The following EXOC7 variants were observed in gnomAD, a reference collection of about 807,000 sequenced individuals.
EXOC7 encodes exocyst complex component Exo70.
In EXOC7, 51 loss-of-function variants were observed where a neutral mutation model predicts 87.6. The ratio of observed to expected loss-of-function variants is 0.58; its 90% CI spans 0.46 to 0.73. The LOEUF (loss-of-function observed/expected upper bound fraction) is 0.73, where lower values mean the gene tolerates loss of function less well. Among genes scored for constraint, EXOC7 ranks in the 30% least tolerant of loss-of-function variants. The pLI is 0.00. For missense variants in EXOC7, 744 were observed against 888.4 expected, an observed-to-expected ratio of 0.84 and a Z score of 2.07; for synonymous variants, 327 against 357.1, an observed-to-expected ratio of 0.92 and a Z score of 0.95.
At position 76,097,943 on chromosome 17, in the gene EXOC7, C is replaced by T. The variant is rs368762468; in HGVS notation, c.493G>A (p.Val165Ile). Residue 165 changes from valine (V) to isoleucine (I), a missense_variant, in exon 5 of 19, where the codon GTC (valine) becomes ATC (isoleucine). Val to Ile is a conservative substitution (Grantham distance 29). This residue lies in a region of EXOC7 where 512 missense variants were observed against 573.0 expected (regional missense o/e 0.89). Coordinates refer to ENST00000589210, the MANE Select transcript of EXOC7 (RefSeq NM_001013839.4). ...AGATCCAAGATGAGCACGGGCGAGA[C>T]GACCTTACTGTGCCGCGTCATCAGG... Reference protein sequence around the residue: ...RSLMTRHSKVVSPVLILDLIS... With the variant: ...RSLMTRHSKVISPVLILDLIS... 60 of 1,613,946 alleles carry T rather than the reference C, an allele frequency of 3.7e-5. No homozygotes were observed. Among genetic ancestry groups the T allele is most frequent in the African/African-American group, 2.8e-4 (21 of 74,896 alleles).
In EXOC7 at chr17:76,097,898, G is replaced by T. The variant is rs2067852311; in HGVS notation, c.538C>A (p.Leu180Met). 4 of 1,613,966 alleles carry T rather than the reference G, an allele frequency of 2.5e-6. No individual in the cohort carries two copies. The highest frequency in any genetic ancestry group is 2.2e-5 in the South Asian group (2 of 91,082). The change falls in exon 5 of 19, where the codon CTG (leucine) becomes ATG (methionine). Residue 180 changes from leucine (L) to methionine (M), a missense_variant. Around this residue, in one of 3 missense-constraint regions of EXOC7, gnomAD observed 512 missense variants for 573.0 expected, o/e 0.89. Coordinates refer to ENST00000589210, the MANE Select transcript of EXOC7 (RefSeq NM_001013839.4). ...AGGGTCACGTCCTCCTGGGCCTCCA[G>T]ATCATCGTCACCACTGATCAGATCC... is the stretch of plus-strand genomic sequence containing the variant. ...ILDLISGDDD[L>M]EAQEDVTLEH...
Position 76,103,408 on chromosome 17 carries a change from A to T in EXOC7, c.79T>A (p.Phe27Ile). Residue 27 changes from phenylalanine (F) to isoleucine (I), a missense_variant, in exon 2 of 19, where the codon TTC (phenylalanine) becomes ATC (isoleucine). By Grantham distance (21) the Phe-to-Ile change is conservative (BLOSUM62 0). Around this residue, in one of 3 missense-constraint regions of EXOC7, gnomAD observed 512 missense variants for 573.0 expected, o/e 0.89. Transcript: ENST00000589210. ...CTCTTCTCCAGGCTGTCTCGGATGA[A>T]GGACAGAGTCTCCTCCTCCTGGGGG... ...KLKQEEETLS[F>I]IRDSLEKSDQ... is the part of the protein sequence containing the mutation. 6.2e-7 allele frequency: 1 copy of T among 1,607,618 alleles called. No individual in the cohort carries two copies. The highest frequency in any genetic ancestry group is 8.5e-7 in the Non-Finnish European group (1 of 1,177,138).
intron 4 of EXOC7, among the ~76,000 whole-genome samples, chr17:76,098,383 G>A (rs1337723662): frequency 6.6e-6 from 1 of 151,480 alleles, no homozygotes; most frequent in Non-Finnish European, 1.5e-5. Flanking sequence ...TGATCCACCC[G>A]CCTCAGCCTC....
At chr17:76,088,278 C>T (rs2067304417) in intron 10 of EXOC7, 156 bp from the exon 11 acceptor site, 3 of 953,880 alleles carry the variant, frequency 3.1e-6, no homozygotes, top group East Asian at 4.9e-5. Context: ...AGAGGCCCTT[C>T]CCACTTCAGA....
chr17:76,085,448 T>C, intron 14 of EXOC7, 39 bp from the exon 15 acceptor site: 1 of 1,582,304 alleles, frequency 6.3e-7, no homozygotes, highest in Non-Finnish European at 8.6e-7. Context: ...GAGGACAGGA[T>C]TGGCTCCTCA....
chr17:76,098,124 C>T (rs774960087), intron 4 of EXOC7, 106 bp from the exon 5 acceptor site: 13 of 873,458 alleles, frequency 1.5e-5, no homozygotes, highest in Non-Finnish European at 1.8e-5. Context: ...AGGGCCTCTG[C>T]CCTTTTCTGC....
intron 18 of EXOC7, 122 bp from the exon 19 acceptor site, chr17:76,083,872 G>A (rs987390751): frequency 2.1e-4 from 317 of 1,476,320 alleles, no homozygotes; most frequent in Admixed American, 1.4e-3. Flanking sequence ...GTCTGGCCCC[G>A]CCCCAAAGCC....
intron 5 of EXOC7, among the ~76,000 whole-genome samples, chr17:76,094,916 G>T (rs1460207149): frequency 6.7e-6 from 1 of 149,666 alleles, no homozygotes; most frequent in Non-Finnish European, 1.5e-5. Flanking sequence ...TGGCCAGGCA[G>T]TCTTAAAAGA....
At position 76,081,702 on chromosome 17, in the gene EXOC7, A is replaced by C; in HGVS notation, c.*1946T>G. The stretch of plus-strand genomic sequence containing the variant: ...TTGCTGCTGAGTTACCTCGTCCTCC[A>C]CTCCTCCCTGGTGCAGGCCCTGCCC... On this transcript the variant is annotated 3_prime_UTR_variant, in exon 19 of 19. Transcript: ENST00000589210. The C allele has an allele frequency of 3.1e-6, 5 of 1,613,566 alleles. No homozygotes were observed. The highest frequency in any genetic ancestry group is 4.2e-6 in the Non-Finnish European group (5 of 1,179,856).
intron 4 of EXOC7, among the ~76,000 whole-genome samples, chr17:76,099,532 C>CA (rs1475821695): frequency 2.6e-5 from 4 of 151,688 alleles, no homozygotes; most frequent in East Asian, 3.9e-4. Context: ...AACAAAAAAC[C>CA]AAAAAAAGAA....
Position 76,083,669 on chromosome 17 carries a change from G to C in EXOC7, c.2034C>G (p.Arg678=), listed in dbSNP as rs200397075. 1.1e-5 allele frequency: 18 copies of C among 1,613,908 alleles called. No individual in the cohort carries two copies. In the South Asian group the frequency reaches 1.9e-4, roughly 17 times the overall value. ...GVEQVGDMID[R]LFDTSA is the part of the protein sequence containing the mutation. The stretch of plus-strand genomic sequence containing the variant: ...AGGCTCAGGCAGAGGTGTCGAAAAG[G>C]CGATCGATCATGTCGCCCACCTGCT... The change falls in exon 19 of 19, where the codon CGC becomes CGG. Residue 678 remains arginine, a synonymous_variant. Transcript: ENST00000589210.
chr17:76,085,985 G>C, intron 13 of EXOC7, 95 bp downstream of exon 13: 4 of 1,532,044 alleles, frequency 2.6e-6, no homozygotes, highest in Non-Finnish European at 2.7e-6. Flanking sequence ...ACTTAGGAGA[G>C]GGCCCTGGGA....
At chr17:76,085,874 G>T in intron 13 of EXOC7, 77 bp from the exon 14 acceptor site, 1 of 1,566,362 alleles carries the variant, frequency 6.4e-7, no homozygotes, top group Non-Finnish European at 8.7e-7. Context: ...CCGCGAACGC[G>T]CTCCTATCCA....
At position 76,090,123 on chromosome 17, in the gene EXOC7, A is replaced by G. The variant is rs557306512; in HGVS notation, c.902-803T>C. ...GAGCAGCGGCTTCTCCCCTTGGCCC[A>G]GGCCTGACAGACAGGCACGCACTCC... On this transcript the variant is annotated intron_variant, in intron 7 of 18. Coordinates refer to ENST00000589210, the MANE Select transcript of EXOC7 (RefSeq NM_001013839.4). 2.0e-5 allele frequency among the ~76,000 whole-genome samples: 3 copies of G among 152,360 alleles called. No individual in the cohort carries two copies. The South Asian group carries it at 6.2e-4, about 32-fold the overall frequency.
At chr17:76,094,103 C>T (rs1027756436) in intron 6 of EXOC7, 3 of 257,138 alleles carry the variant, frequency 1.2e-5, no homozygotes, top group Non-Finnish European at 2.2e-5. Flanking sequence ...GACAGGGCGA[C>T]GTGTGTGTGA....
intron 5 of EXOC7, among the ~76,000 whole-genome samples, chr17:76,096,929 A>G (rs543767171): frequency 6.6e-6 from 1 of 151,660 alleles, no homozygotes; most frequent in South Asian, 2.1e-4. Context: ...AGCTCATTGC[A>G]ACCTCCACCT....
intron 4 of EXOC7, among the ~76,000 whole-genome samples, chr17:76,098,578 T>C (rs2144687678): frequency 6.6e-6 from 1 of 151,800 alleles, no homozygotes; most frequent in African/African-American, 2.4e-5. Flanking sequence ...TACTGGCTGA[T>C]TGGCCGTGCA....
chr17:76,087,327 G>A, intron 12 of EXOC7: 1 of 435,156 alleles, frequency 2.3e-6, no homozygotes, highest in Non-Finnish European at 4.2e-6. Flanking sequence ...AGGAGAGCAG[G>A]CAGACACGAG....
At position 76,101,740 on chromosome 17, in the gene EXOC7, G is replaced by A. The variant is rs2068072325; in HGVS notation, c.250C>T (p.Leu84=). 1 of 1,614,124 alleles carries A rather than the reference G, an allele frequency of 6.2e-7. No homozygotes were observed. Among genetic ancestry groups the A allele is most frequent in the Non-Finnish European group, 8.5e-7 (1 of 1,180,014 alleles). The stretch of plus-strand genomic sequence containing the variant: ...TGGTAGTAGCTGATGACATGGTCCA[G>A]GCAGGACAGCGTCTTCTCAACATTC... ...QENVEKTLSC[L]DHVISYYHVA... The change falls in exon 3 of 19, where the codon CTG becomes TTG. Residue 84 remains leucine, a synonymous_variant. Transcript: ENST00000589210.
Sources: allele counts gnomAD v4.1 joint callset (sites outside exome capture counted in the v4.1 genomes callset), GRCh38; gene constraint gnomAD v4.1.1; regional missense constraint gnomAD v4.1.1; transcripts MANE v1.5; gene names NCBI Gene and HGNC (gene_info 2026-07-23, HGNC 2026-07-21).